The following MX1 variants were observed in gnomAD, a reference collection of about 807,000 sequenced individuals.
MX1 encodes MX dynamin like GTPase 1.
MX1 carries 66 observed loss-of-function variants against 66.4 expected under a neutral mutation model. The observed-to-expected ratio is 0.99, with a 90% CI of 0.82 to 1.22. The LOEUF (loss-of-function observed/expected upper bound fraction) is 1.22, where lower values mean the gene tolerates loss of function less well. Ranked by LOEUF, MX1 falls within the 50% of genes most tolerant of loss-of-function variation. The pLI, the probability that MX1 is intolerant of heterozygous loss-of-function variation, is 0.00. For missense variants in MX1, 787 were observed against 834.3 expected (o/e 0.94, Z 0.70); for synonymous variants, 311 against 318.1 (o/e 0.98, Z 0.24).
chr21:41,423,664 C>T (rs2090015909), upstream of MX1, among the ~76,000 whole-genome samples: 1 of 152,158 alleles, frequency 6.6e-6, no homozygotes, highest in Admixed American at 6.5e-5. Flanking sequence ...TCACTGACAC[C>T]TAACACATCC....
rs2090505035 is a variant in MX1 at position 41,441,292 on chromosome 21, C to T, written c.730+267C>T. Reference sequence around the variant, plus strand: ...GCCCACCAAGGCCAAGTGAAATGAGCTGCTTTTGACTCTCACTGGCTAGGT... The same window carrying T: ...GCCCACCAAGGCCAAGTGAAATGAGTTGCTTTTGACTCTCACTGGCTAGGT... On this transcript the variant is annotated intron_variant, in intron 9 of 16. Coordinates refer to ENST00000398598, the MANE Select transcript of MX1 (RefSeq NM_002462.5). The surrounding 1 kb of genome is among the most constrained non-coding windows in gnomAD (Gnocchi z 4.0). 2.1e-6 allele frequency: 1 copy of T among 471,382 alleles called. No individual in the cohort carries two copies. 29.2% of individuals were successfully genotyped at this position (471,382 alleles called of 1,614,324 possible). A position where few individuals can be genotyped will look rare whatever the true frequency, so the allele number is the denominator to read the frequency against.
In MX1 at chr21:41,439,771, C is replaced by G. The variant is rs764691740; in HGVS notation, c.514C>G (p.Pro172Ala). 2.5e-6 allele frequency: 4 copies of G among 1,613,952 alleles called. No homozygotes were observed. In the Admixed American group the frequency reaches 6.7e-5, roughly 27 times the overall value. ...CCTGGAGATCAGCTCCCGAGATGTC[C>G]CGGATCTGACTCTAATAGACCTTCC... is the stretch of plus-strand genomic sequence containing the variant. ...ITLEISSRDV[P>A]DLTLIDLPGI... The change falls in exon 8 of 17, where the codon CCG becomes GCG. Residue 172 changes from proline (P) to alanine (A), a missense_variant. Physicochemically the swap from Pro to Ala is conservative, Grantham distance 27. Transcript: ENST00000398598.
intron 16 of MX1, among the ~76,000 whole-genome samples, chr21:41,453,756 T>A (rs944900673): frequency 1.3e-5 from 2 of 151,816 alleles, no homozygotes; most frequent in Non-Finnish European, 2.9e-5. Context: ...ACATGGGAGG[T>A]GTACTTGCCC....
At position 41,458,865 on chromosome 21, in the gene MX1, C is replaced by T. The variant is rs116752870; in HGVS notation, c.*107C>T. The T allele has an allele frequency of 1.5e-3, 2,245 of 1,466,638 alleles. 29 individuals are homozygous for T. The African/African-American group carries it at 0.026, about 17-fold the overall frequency. 90.9% of individuals were successfully genotyped at this position (1,466,638 alleles called of 1,614,324 possible). ...TGCTCAGTAGTCAGACTGGATAGTC[C>T]GTCTCTGCTTATCCGTTAGCCGTGG... On this transcript the variant is annotated 3_prime_UTR_variant, in exon 17 of 17. Transcript: ENST00000398598.
Position 41,449,269 on chromosome 21 carries a change from C to G in MX1, c.1406C>G (p.Ala469Gly), listed in dbSNP as rs147827053. 1.9e-6 allele frequency: 3 copies of G among 1,613,798 alleles called. No individual in the cohort carries two copies. The highest frequency in any genetic ancestry group is 2.5e-6 in the Non-Finnish European group (3 of 1,179,916). ...KQQIKALEEPAVDMLHTVTDM... is the reference protein window; with the variant it reads ...KQQIKALEEPGVDMLHTVTDM... ...CAAATCAAGGCACTGGAAGAGCCGG[C>G]TGTGGATATGCTACACACCGTGACG... Residue 469 changes from alanine (A) to glycine (G), a missense_variant, in exon 14 of 17, where the codon GCT becomes GGT. Ala to Gly is a moderately conservative substitution (Grantham distance 60, BLOSUM62 0). Transcript: ENST00000398598.
At chr21:41,445,390 C>CT in intron 11 of MX1, 58 bp from the exon 12 acceptor site, 9 of 1,602,612 alleles carry the variant, frequency 5.6e-6, no homozygotes, top group Non-Finnish European at 7.7e-6. Flanking sequence ...CCGGGACCTC[C>CT]TTTTCATTCT....
At chr21:41,426,104 A>G, upstream of MX1, 1 of 173,738 alleles carries the variant, frequency 5.8e-6, no homozygotes. Flanking sequence ...CAAGTGCTGC[A>G]GGTGCGGGGC....
chr21:41,454,010 G>A (rs562290364), intron 16 of MX1, among the ~76,000 whole-genome samples: 1 of 152,314 alleles, frequency 6.6e-6, no homozygotes, highest in South Asian at 2.1e-4. Context: ...GAGGCAGCAG[G>A]CTCTCAGTTA....
exon 1 of MX1, chr21:41,420,791 T>G (rs1568958696): frequency 6.6e-6 from 1 of 152,252 alleles, no homozygotes; most frequent in Non-Finnish European, 1.5e-5. Context: ...CTCAGCCTGG[T>G]AGCAGAGGCC....
Position 41,439,855 on chromosome 21 carries a change from C to T in MX1, c.591+7C>T. On this transcript the variant is annotated splice_region_variant and intron_variant, in intron 8 of 16. Transcript: ENST00000398598. ...TGCTGACATTGGGTATAAGGTCAGACTTCAGACCCATTCTGACCTTGGCCG... is the reference window on the plus strand; with the variant it reads ...TGCTGACATTGGGTATAAGGTCAGATTTCAGACCCATTCTGACCTTGGCCG... 6.2e-7 allele frequency: 1 copy of T among 1,607,008 alleles called. No individual in the cohort carries two copies. The highest frequency in any genetic ancestry group is 1.3e-5 in the African/African-American group (1 of 74,476).
At position 41,441,160 on chromosome 21, in the gene MX1, G is replaced by T. The variant is rs891593555; in HGVS notation, c.730+135G>T. The stretch of plus-strand genomic sequence containing the variant: ...GTGCTCGGTGAGAATGGGGGAGCCC[G>T]CCTGTGCTCGGTGGTCTGCCAGTGG... On this transcript the variant is annotated intron_variant, in intron 9 of 16. Coordinates refer to ENST00000398598, the MANE Select transcript of MX1 (RefSeq NM_002462.5). This position sits in a 1 kb window ranked among gnomAD's most constrained non-coding sequence, Gnocchi z 4.0. 4 of 1,226,516 alleles carry T rather than the reference G, an allele frequency of 3.3e-6. No individual in the cohort carries two copies. The East Asian group carries it at 7.7e-5, about 24-fold the overall frequency. 76.0% of individuals were successfully genotyped at this position (1,226,516 alleles called of 1,614,324 possible).
At chr21:41,456,784 CAG>C (rs1235190627) in intron 16 of MX1, among the ~76,000 whole-genome samples, 1 of 151,702 alleles carries the variant, frequency 6.6e-6, no homozygotes, top group Non-Finnish European at 1.5e-5. Context: ...TTTTTGGTGA[CAG>C]AGTCTCACTC....
intron 11 of MX1, among the ~76,000 whole-genome samples, chr21:41,444,507 A>G (rs978349000): frequency 1.3e-5 from 2 of 151,134 alleles, no homozygotes; most frequent in Admixed American, 6.6e-5. Flanking sequence ...TTGTATTTTT[A>G]GTAGAGACAG....
At chr21:41,440,396 G>A (rs1481438109) in intron 8 of MX1, among the ~76,000 whole-genome samples, 1 of 151,992 alleles carries the variant, frequency 6.6e-6, no homozygotes, top group Non-Finnish European at 1.5e-5. Flanking sequence ...CTACTAGGAG[G>A]ATTGCTTGAA....
At position 41,441,779 on chromosome 21, in the gene MX1, G is replaced by A. The variant is rs145851733; in HGVS notation, c.794G>A (p.Arg265Gln). The A allele has an allele frequency of 2.9e-4, 467 of 1,614,070 alleles. 2 individuals are homozygous for A. Among genetic ancestry groups the A allele is most frequent in the Middle Eastern group, 2.5e-3 (15 of 6,084 alleles). The change falls in exon 10 of 17, where the codon CGG (arginine) becomes CAG (glutamine). Residue 265 changes from arginine to glutamine, a missense_variant. Transcript: ENST00000398598. This position sits in a 1 kb window ranked among gnomAD's most constrained non-coding sequence, Gnocchi z 4.0. ...GAAGACAAGGTTGTGGACGTGGTGC[G>A]GAACCTCGTGTTCCACCTGAAGAAG... ...GTEDKVVDVV[R>Q]NLVFHLKKGY...
chr21:41,432,153 T>A lies in MX1; in HGVS notation c.83T>A (p.Val28Glu), dbSNP rs2090234111. The A allele has an allele frequency of 6.2e-6, 10 of 1,614,140 alleles. No individual in the cohort carries two copies. Among genetic ancestry groups the A allele is most frequent in the Non-Finnish European group, 7.6e-6 (9 of 1,180,046 alleles). The part of the protein sequence containing the change: ...HPLLLNGDAT[V>E]AQKNPGSVAE... ...CTATTACTGAATGGAGATGCTACTG[T>A]GGCCCAGAAAAATCCAGGCTCGGTA... Residue 28 changes from valine (V) to glutamate (E), a missense_variant, in exon 5 of 17, where the codon GTG becomes GAG. By Grantham distance (121) the Val-to-Glu change is moderately radical. Transcript: ENST00000398598.
At position 41,437,066 on chromosome 21, in the gene MX1, A is replaced by G. The variant is rs1374788226; in HGVS notation, c.350A>G (p.Glu117Gly). 6.2e-7 allele frequency: 1 copy of G among 1,613,992 alleles called. No homozygotes were observed. The highest frequency in any genetic ancestry group is 1.1e-5 in the South Asian group (1 of 91,076). Residue 117 changes from glutamate to glycine, a missense_variant, in exon 7 of 17, where the codon GAA (glutamate) becomes GGA (glycine). Transcript: ENST00000398598. ...CTGAAACTGAAGAAACTTGTGAACGAAGATAAGTGGAGAGGCAAGGTCAGT... is the reference window on the plus strand; with the variant it reads ...CTGAAACTGAAGAAACTTGTGAACGGAGATAAGTGGAGAGGCAAGGTCAGT... ...LVLKLKKLVN[E>G]DKWRGKVSYQ...
intron 14 of MX1, 58 bp from the exon 15 acceptor site, chr21:41,451,109 C>A (rs1158042322): frequency 3.3e-6 from 4 of 1,200,952 alleles, no homozygotes; most frequent in Middle Eastern, 3.8e-4. Flanking sequence ...TTTTTTGCAT[C>A]TTAAGAAGAG....
At position 41,446,009 on chromosome 21, in the gene MX1, G is replaced by A. The variant is rs1401402178; in HGVS notation, c.1141G>A (p.Ala381Thr). The A allele has an allele frequency of 1.2e-6, 2 of 1,613,770 alleles. No individual in the cohort carries two copies. Among genetic ancestry groups the A allele is most frequent in the East Asian group, 4.5e-5 (2 of 44,878 alleles). ...TTTTTCTTCTTGACAGAAAGTTAATGCCTTTAATCAGGACATCACTGCTCT... is the reference window on the plus strand; with the variant it reads ...TTTTTCTTCTTGACAGAAAGTTAATACCTTTAATCAGGACATCACTGCTCT... Reference protein sequence around the residue: ...KMFFLIDKVNAFNQDITALMQ... With the variant: ...KMFFLIDKVNTFNQDITALMQ... The change falls in exon 13 of 17, where the codon GCC (alanine) becomes ACC (threonine). Residue 381 changes from alanine to threonine, a missense_variant. Coordinates refer to ENST00000398598, the MANE Select transcript of MX1 (RefSeq NM_002462.5).
Sources: gnomAD v4.1 joint callset for allele counts (sites outside exome capture counted in the v4.1 genomes callset) on GRCh38, gnomAD v4.1.1 for gene constraint, Gnocchi (gnomAD v3.1) non-coding constraint, MANE v1.5 for transcripts, NCBI Gene and HGNC (gene_info 2026-07-23, HGNC 2026-07-21) for gene names.